PLEKHA6: variants seen among roughly 807,000 people sequenced by gnomAD.
PLEKHA6 encodes the protein pleckstrin homology domain containing A6, also known as pleckstrin homology domain-containing family A member 6.
Under a neutral mutation model 116.7 loss-of-function variants are expected in PLEKHA6, and 60 were observed. The observed-to-expected ratio is 0.51, with a 90% CI of 0.42 to 0.64. The LOEUF (loss-of-function observed/expected upper bound fraction) is 0.64, where lower values mean the gene tolerates loss of function less well. PLEKHA6 is among the 30% of genes least tolerant of loss of function. PLEKHA6 has a pLI of 0.00. For missense variants in PLEKHA6, 1,338 were observed against 1,422.7 expected (o/e 0.94, Z 0.96); for synonymous variants, 489 against 556.1 (o/e 0.88, Z 1.70).
In PLEKHA6 at chr1:204,241,535, GCCT is replaced by G. The variant is rs550884479; in HGVS notation, c.2303-57_2303-55del. The stretch of plus-strand genomic sequence containing the variant: ...CTCATGGAGAGCAGGAAGGCAGGAA[GCCT>G]CCTTCTCAGAGACAATCTCAGCCCC... On this transcript the variant is annotated intron_variant, in intron 16 of 22. Coordinates refer to ENST00000272203, the MANE Select transcript of PLEKHA6 (RefSeq NM_014935.5). 108 of 1,416,560 alleles carry G rather than the reference GCCT, an allele frequency of 7.6e-5. No homozygotes were observed. The African/African-American group carries it at 1.3e-3, about 17-fold the overall frequency. 87.7% of individuals were successfully genotyped at this position (1,416,560 alleles called of 1,614,324 possible).
intron 5 of PLEKHA6, 74 bp downstream of exon 5, chr1:204,267,401 G>A (rs894544766): frequency 1.9e-5 from 25 of 1,333,666 alleles, no homozygotes; most frequent in African/African-American, 1.2e-4. Flanking sequence ...CCAAGCTCGG[G>A]GATATGGCAG....
intron 18 of PLEKHA6, 142 bp from the exon 19 acceptor site, chr1:204,229,246 C>T: frequency 1.3e-6 from 1 of 782,542 alleles, no homozygotes; most frequent in Non-Finnish European, 2.0e-6. Flanking sequence ...CACTGCAGAA[C>T]TATCTTCCTT....
At chr1:204,229,153 G>A (rs1490615488) in intron 18 of PLEKHA6, 49 bp from the exon 19 acceptor site, 9 of 1,583,226 alleles carry the variant, frequency 5.7e-6, no homozygotes, top group Non-Finnish European at 6.9e-6. Context: ...CATGCCTCCA[G>A]GCAGCTCTAG....
chr1:204,268,408 G>A, intron 3 of PLEKHA6, 96 bp from the exon 4 acceptor site: 1 of 764,734 alleles, frequency 1.3e-6, no homozygotes. Flanking sequence ...CTTCTCCCTA[G>A]GGTTAACCCT....
At chr1:204,319,284 T>A (rs1293260954) in intron 1 of PLEKHA6, among the ~76,000 whole-genome samples, 1 of 152,218 alleles carries the variant, frequency 6.6e-6, no homozygotes. Context: ...TATAGACTGT[T>A]TCCTCCAAAA....
chr1:204,234,782 C>A (rs1661703064), intron 17 of PLEKHA6, among the ~76,000 whole-genome samples: 1 of 151,382 alleles, frequency 6.6e-6, no homozygotes, highest in Non-Finnish European at 1.5e-5. Context: ...GAGAGACTGA[C>A]CTAGCCACCC....
rs60251937 is a variant in PLEKHA6, at chr1:204,308,687, C to CTTTTTTTTTT, written c.-94-33888_-94-33879dup. The stretch of plus-strand genomic sequence containing the variant: ...CAAGAAGGTAATTCTTTTTCTTTTT[C>CTTTTTTTTTT]TTTTTTTTTTTTTTTTTTTTTGAGA... On this transcript the variant is annotated intron_variant, in intron 1 of 22. Transcript: ENST00000272203. 2.2e-3 allele frequency among the ~76,000 whole-genome samples: 178 copies of CTTTTTTTTTT among 81,408 alleles called. 12 individuals carry two copies. The highest frequency in any genetic ancestry group is 3.0e-3 in the African/African-American group (55 of 18,630). The allele number at this position is 81,408 out of a possible 152,430, so 53.4% of individuals were successfully genotyped here.
chr1:204,308,557 C>A (rs1481720164), intron 1 of PLEKHA6, among the ~76,000 whole-genome samples: 2 of 152,054 alleles, frequency 1.3e-5, no homozygotes, highest in African/African-American at 2.4e-5. Context: ...GGCTAAGGAT[C>A]CCATCTGAGT....
In PLEKHA6 at chr1:204,293,431, G is replaced by A. The variant is rs189111330; in HGVS notation, c.-94-18622C>T. ...ATTACAAGCATGAGCCACTGCACCCGGCCAATCAAGACTTATTTTAACGCG... is the reference window on the plus strand; with the variant it reads ...ATTACAAGCATGAGCCACTGCACCCAGCCAATCAAGACTTATTTTAACGCG... On this transcript the variant is annotated intron_variant, in intron 1 of 22. Transcript: ENST00000272203. Among the ~76,000 whole-genome samples, 6 of 152,158 alleles carry A rather than the reference G, an allele frequency of 3.9e-5. No homozygotes were observed. In the East Asian group the frequency reaches 5.8e-4, roughly 15 times the overall value.
intron 1 of PLEKHA6, among the ~76,000 whole-genome samples, chr1:204,339,726 G>C (rs1452810065): frequency 6.6e-6 from 1 of 152,202 alleles, no homozygotes; most frequent in Non-Finnish European, 1.5e-5. Flanking sequence ...TCAGTAATAA[G>C]AGAAAAGCAA....
chr1:204,267,673 T>G, intron 4 of PLEKHA6, 126 bp from the exon 5 acceptor site: 1 of 771,554 alleles, frequency 1.3e-6, no homozygotes, highest in Non-Finnish European at 2.2e-6. Context: ...GCTCTGCTGT[T>G]AATGCACGGC....
intron 3 of PLEKHA6, 62 bp downstream of exon 3, chr1:204,273,564 C>T: frequency 9.4e-7 from 1 of 1,069,074 alleles, no homozygotes. Flanking sequence ...TCCCAGAGAT[C>T]CCACTAAACA....
chr1:204,323,220 C>A (rs56050747), intron 1 of PLEKHA6, among the ~76,000 whole-genome samples: 2,227 of 152,338 alleles, frequency 0.015, 63 homozygotes, highest in African/African-American at 0.051. Context: ...CTGGGGGAGG[C>A]CCCCCTCTGC....
chr1:204,338,957 C>A (rs1051267751), intron 1 of PLEKHA6, among the ~76,000 whole-genome samples: 1 of 152,184 alleles, frequency 6.6e-6, no homozygotes, highest in African/African-American at 2.4e-5. Context: ...AATTCCCCAC[C>A]CCGTGCATCC....
chr1:204,301,745 C>T (rs974573270), intron 1 of PLEKHA6, among the ~76,000 whole-genome samples: 1 of 152,146 alleles, frequency 6.6e-6, no homozygotes, highest in Admixed American at 6.5e-5. Context: ...ACAGGTTTGG[C>T]ATGTTTCTCC....
intron 1 of PLEKHA6, among the ~76,000 whole-genome samples, chr1:204,290,950 C>G (rs539513545): frequency 1.4e-4 from 20 of 142,928 alleles, no homozygotes; most frequent in Non-Finnish European, 2.1e-4. Context: ...GATTGCATCA[C>G]TGCATAGCAG....
At chr1:204,235,580 A>T (rs1216489559) in intron 17 of PLEKHA6, among the ~76,000 whole-genome samples, 1 of 152,182 alleles carries the variant, frequency 6.6e-6, no homozygotes, top group East Asian at 1.9e-4. Flanking sequence ...GCTGACCTGC[A>T]ATGAAAAATG....
intron 1 of PLEKHA6, among the ~76,000 whole-genome samples, chr1:204,294,590 AGCT>A (rs1670085802): frequency 6.6e-6 from 1 of 152,200 alleles, no homozygotes; most frequent in Non-Finnish European, 1.5e-5. Flanking sequence ...TCATCCTACC[AGCT>A]AATCCTTTCG....
intron 17 of PLEKHA6, among the ~76,000 whole-genome samples, chr1:204,239,615 G>A (rs1662521804): frequency 6.6e-6 from 1 of 152,142 alleles, no homozygotes; most frequent in Admixed American, 6.5e-5. Context: ...GTGTGGCAGT[G>A]GGCTCATGCT....
Sources: gnomAD v4.1 joint callset for allele counts (sites outside exome capture counted in the v4.1 genomes callset) on GRCh38, gnomAD v4.1.1 for gene constraint, MANE v1.5 for transcripts, NCBI Gene and HGNC (gene_info 2026-07-23, HGNC 2026-07-21) for gene names.